The following PLPPR2 variants were observed in gnomAD, a reference collection of about 807,000 sequenced individuals.
PLPPR2 encodes the protein phospholipid phosphatase related 2, also known as phospholipid phosphatase-related protein type 2.
Under a neutral mutation model 40.3 loss-of-function variants are expected in PLPPR2, and 11 were observed. The observed-to-expected ratio is 0.27, with a 90% CI of 0.17 to 0.45. PLPPR2 has a LOEUF of 0.45. Ranked by LOEUF, PLPPR2 falls within the 20% of genes least tolerant of loss-of-function variation. PLPPR2 has a pLI of 1.00. For synonymous variants in PLPPR2, 260 were observed against 290.8 expected (o/e 0.89, Z 1.08); for missense variants, 497 against 640.7 (o/e 0.78, Z 2.42).
At position 11,361,597 on chromosome 19, in the gene PLPPR2, T is replaced by C. The variant is rs1968048111; in HGVS notation, c.663+109T>C. The C allele has an allele frequency of 7.0e-7, 1 of 1,435,312 alleles. No individual in the cohort carries two copies. The allele number at this position is 1,435,312 out of a possible 1,614,324, so 88.9% of individuals were successfully genotyped here. On this transcript the variant is annotated intron_variant, in intron 6 of 9. Transcript: ENST00000688289. This position sits in a 1 kb window ranked among gnomAD's most constrained non-coding sequence, Gnocchi z 6.3. Reference sequence around the variant, plus strand: ...CTCTGCTCTTCCACGCCCCGGGTGCTGTTGGAAGCTCTCGCTCCACGCCCC... The same window carrying C: ...CTCTGCTCTTCCACGCCCCGGGTGCCGTTGGAAGCTCTCGCTCCACGCCCC...
In PLPPR2 at chr19:11,365,127, G is replaced by C. The variant is rs981171904; in HGVS notation, c.*437G>C. 9 of 202,762 alleles carry C rather than the reference G, an allele frequency of 4.4e-5. No homozygotes were observed. The Admixed American group carries it at 4.8e-4, about 11-fold the overall frequency. The allele number at this position is 202,762 out of a possible 1,614,324, so 12.6% of individuals were successfully genotyped here. A position where few individuals can be genotyped will look rare whatever the true frequency, so the allele number is the denominator to read the frequency against. On this transcript the variant is annotated 3_prime_UTR_variant, in exon 10 of 10. Transcript: ENST00000688289. The stretch of plus-strand genomic sequence containing the variant: ...TTTCCAGAATTTCTAGAGTGGGTGG[G>C]CATGATTCCAGTCAATGGGGGACCG...
chr19:11,358,751 G>A lies in PLPPR2; in HGVS notation c.67-781G>A, dbSNP rs528199789. 5.4e-5 allele frequency among the ~76,000 whole-genome samples: 8 copies of A among 147,364 alleles called. No individual in the cohort carries two copies. In the East Asian group the frequency reaches 6.0e-4, roughly 11 times the overall value. On this transcript the variant is annotated intron_variant, in intron 3 of 9. Transcript: ENST00000688289. ...TTCTTTTGTGATGGAGTCTTGCTCC[G>A]CTGCCCAGGCTGGAGTGCAGTGGCA... is the stretch of plus-strand genomic sequence containing the variant.
rs1476055320 is a variant in PLPPR2, at chr19:11,361,866, G to T, written c.663+378G>T. Among the ~76,000 whole-genome samples the T allele has an allele frequency of 1.3e-5, 2 of 152,112 alleles. No homozygotes were observed. Among genetic ancestry groups the T allele is most frequent in the African/African-American group, 4.8e-5 (2 of 41,402 alleles). ...CGCTAGATATTAGCTGGCAGACTGG[G>T]CAGATGGGACGGCCCCCTGGAGTCC... is the stretch of plus-strand genomic sequence containing the variant. On this transcript the variant is annotated intron_variant, in intron 6 of 9. Transcript: ENST00000688289. The surrounding 1 kb of genome is among the most constrained non-coding windows in gnomAD (Gnocchi z 6.3).
In PLPPR2 at chr19:11,363,606, T is replaced by C. The variant is rs1345970871; in HGVS notation, c.841-107T>C. On this transcript the variant is annotated intron_variant, in intron 7 of 9. Coordinates refer to ENST00000688289, the MANE Select transcript of PLPPR2 (RefSeq NM_001393892.1). The surrounding 1 kb of genome is among the most constrained non-coding windows in gnomAD (Gnocchi z 4.8). The stretch of plus-strand genomic sequence containing the variant: ...GCACATACTATGCATTAGCTGTTTT[T>C]GAAAACCGGAGCCTCACTTTCCTTA... 3 of 1,350,664 alleles carry C rather than the reference T, an allele frequency of 2.2e-6. No individual in the cohort carries two copies. In the East Asian group the frequency reaches 7.6e-5, roughly 34 times the overall value. 83.7% of individuals were successfully genotyped at this position (1,350,664 alleles called of 1,614,324 possible).
intron 2 of PLPPR2, among the ~76,000 whole-genome samples, chr19:11,357,239 TG>T (rs1967912258): frequency 6.6e-6 from 1 of 151,848 alleles, no homozygotes; most frequent in Non-Finnish European, 1.5e-5. Context: ...GGGAAGGGTC[TG>T]GTAGGGATGG....
Position 11,364,414 on chromosome 19 carries a change from G to T in PLPPR2, c.1083G>T (p.Met361Ile). The T allele has an allele frequency of 1.3e-6, 2 of 1,520,132 alleles. No homozygotes were observed. Among genetic ancestry groups the T allele is most frequent in the Non-Finnish European group, 1.8e-6 (2 of 1,136,352 alleles). The allele number at this position is 1,520,132 out of a possible 1,614,324, so 94.2% of individuals were successfully genotyped here. Reference sequence around the variant, plus strand: ...GTGTCTCCTCCAGGGCCCCAGCCATGTGTTCGTCGCCCCGTGTGCCCCGTC... The same window carrying T: ...GTGTCTCCTCCAGGGCCCCAGCCATTTGTTCGTCGCCCCGTGTGCCCCGTC... ...PSCVSSRAPA[M>I]CSSPRVPRPR... Residue 361 changes from methionine to isoleucine, a missense_variant, in exon 10 of 10, where the codon ATG (methionine) becomes ATT (isoleucine). Physicochemically the swap from Met to Ile is conservative, Grantham distance 10. Transcript: ENST00000688289. This position sits in a 1 kb window ranked among gnomAD's most constrained non-coding sequence, Gnocchi z 5.8.
chr19:11,357,524 A>G, intron 2 of PLPPR2, 136 bp from the exon 3 acceptor site: 1 of 553,328 alleles, frequency 1.8e-6, no homozygotes, highest in East Asian at 3.2e-5. Flanking sequence ...TTCAAGGGAC[A>G]GAGTCAGGGC....
intron 5 of PLPPR2, among the ~76,000 whole-genome samples, chr19:11,360,335 G>T (rs1459498286): frequency 6.6e-6 from 1 of 151,944 alleles, no homozygotes; most frequent in African/African-American, 2.4e-5. Context: ...GGGCATGGTG[G>T]TACATGCCTG....
chr19:11,363,908 G>A lies in PLPPR2; in HGVS notation c.963+73G>A. On this transcript the variant is annotated intron_variant, in intron 8 of 9. Coordinates refer to ENST00000688289, the MANE Select transcript of PLPPR2 (RefSeq NM_001393892.1). This position sits in a 1 kb window ranked among gnomAD's most constrained non-coding sequence, Gnocchi z 4.8. Reference sequence around the variant, plus strand: ...AGGGGGCCAAGGAGACAGGAAGGAAGTCAGGCAAGAGGTGGGGGTCTCAGA... The same window carrying A: ...AGGGGGCCAAGGAGACAGGAAGGAAATCAGGCAAGAGGTGGGGGTCTCAGA... 6.5e-7 allele frequency: 1 copy of A among 1,532,064 alleles called. No homozygotes were observed. The highest frequency in any genetic ancestry group is 8.8e-7 in the Non-Finnish European group (1 of 1,133,292). 94.9% of individuals were successfully genotyped at this position (1,532,064 alleles called of 1,614,324 possible). A position where few individuals can be genotyped will look rare whatever the true frequency, so the allele number is the denominator to read the frequency against.
At position 11,359,515 on chromosome 19, in the gene PLPPR2, C is replaced by A; in HGVS notation, c.67-17C>A. ...CTTCTCTCTCCGCCACCTCTCCCCGCCCTGGCTTGGTGGCAGTCGGTGCTG... is the reference window on the plus strand; with the variant it reads ...CTTCTCTCTCCGCCACCTCTCCCCGACCTGGCTTGGTGGCAGTCGGTGCTG... On this transcript the variant is annotated splice_polypyrimidine_tract_variant and intron_variant, in intron 3 of 9. Coordinates refer to ENST00000688289, the MANE Select transcript of PLPPR2 (RefSeq NM_001393892.1). This position sits in a 1 kb window ranked among gnomAD's most constrained non-coding sequence, Gnocchi z 5.6. 6.6e-7 allele frequency: 1 copy of A among 1,525,100 alleles called. No homozygotes were observed. Among genetic ancestry groups the A allele is most frequent in the Non-Finnish European group, 8.8e-7 (1 of 1,132,596 alleles). The allele number at this position is 1,525,100 out of a possible 1,614,324, so 94.5% of individuals were successfully genotyped here.
chr19:11,357,775 C>T (rs750358462), intron 3 of PLPPR2, 36 bp downstream of exon 3: 16 of 1,537,890 alleles, frequency 1.0e-5, no homozygotes, highest in East Asian at 2.3e-5. Flanking sequence ...AGACGGCGTG[C>T]CTATCTCTGT....
chr19:11,357,713 A>T lies in PLPPR2; in HGVS notation c.40A>T (p.Ile14Phe). ...GRPHLKRSFS[I>F]IPCFVFVESV... ...ACCGCATCTGAAGAGGAGTTTCTCC[A>T]TCATCCCCTGCTTTGTCTTCGTGGA... The change falls in exon 3 of 10, where the codon ATC (isoleucine) becomes TTC (phenylalanine). Residue 14 changes from isoleucine to phenylalanine, a missense_variant. Transcript: ENST00000688289. 2 of 1,606,774 alleles carry T rather than the reference A, an allele frequency of 1.2e-6. No homozygotes were observed. The highest frequency in any genetic ancestry group is 1.7e-6 in the Non-Finnish European group (2 of 1,176,222).
intron 3 of PLPPR2, 30 bp downstream of exon 3, chr19:11,357,769 G>A (rs763858341): frequency 5.8e-6 from 9 of 1,557,108 alleles, no homozygotes; most frequent in South Asian, 4.7e-5. Flanking sequence ...TCCCAGAGAC[G>A]GCGTGCCTAT....
At position 11,363,227 on chromosome 19, in the gene PLPPR2, A is replaced by G. The variant is rs185944678; in HGVS notation, c.841-486A>G. Among the ~76,000 whole-genome samples the G allele has an allele frequency of 7.7e-4, 117 of 151,366 alleles. No individual in the cohort carries two copies. Among genetic ancestry groups the G allele is most frequent in the African/African-American group, 2.7e-3 (112 of 41,230 alleles). ...ACCCGGGGGACGGAGGTTGCAGTGA[A>G]CTGAGATCGTGCCACCTCACTCCAG... On this transcript the variant is annotated intron_variant, in intron 7 of 9. Transcript: ENST00000688289. This position sits in a 1 kb window ranked among gnomAD's most constrained non-coding sequence, Gnocchi z 4.8.
chr19:11,357,156 C>A (rs1967909498), intron 2 of PLPPR2, among the ~76,000 whole-genome samples, 180 bp downstream of exon 2: 1 of 151,998 alleles, frequency 6.6e-6, no homozygotes, highest in Non-Finnish European at 1.5e-5. Flanking sequence ...ATCAGCCCAA[C>A]CAGACACCAA....
Position 11,363,242 on chromosome 19 carries a change from C to T in PLPPR2, c.841-471C>T, listed in dbSNP as rs1435123414. Among the ~76,000 whole-genome samples the T allele has an allele frequency of 3.3e-5, 5 of 151,344 alleles. No homozygotes were observed. The highest frequency in any genetic ancestry group is 1.2e-4 in the African/African-American group (5 of 41,082). On this transcript the variant is annotated intron_variant, in intron 7 of 9. Coordinates refer to ENST00000688289, the MANE Select transcript of PLPPR2 (RefSeq NM_001393892.1). The surrounding 1 kb of genome is among the most constrained non-coding windows in gnomAD (Gnocchi z 4.8). Reference sequence around the variant, plus strand: ...GTTGCAGTGAACTGAGATCGTGCCACCTCACTCCAGCCTGGGTGAAAGAGC... The same window carrying T: ...GTTGCAGTGAACTGAGATCGTGCCATCTCACTCCAGCCTGGGTGAAAGAGC...
At position 11,361,533 on chromosome 19, in the gene PLPPR2, G is replaced by A. The variant is rs770310648; in HGVS notation, c.663+45G>A. On this transcript the variant is annotated intron_variant, in intron 6 of 9. Coordinates refer to ENST00000688289, the MANE Select transcript of PLPPR2 (RefSeq NM_001393892.1). This position sits in a 1 kb window ranked among gnomAD's most constrained non-coding sequence, Gnocchi z 6.3. ...GGGTCGGAAATGGGTGTGCAGGCTG[G>A]ACAGCGACCAGCAGCTAGGAAGCCG... 54 of 1,552,434 alleles carry A rather than the reference G, an allele frequency of 3.5e-5. No individual in the cohort carries two copies. Among genetic ancestry groups the A allele is most frequent in the Non-Finnish European group, 1.2e-5 (14 of 1,153,192 alleles).
At chr19:11,355,827 TA>T (rs1161952021) in intron 1 of PLPPR2, among the ~76,000 whole-genome samples, 1 of 152,112 alleles carries the variant, frequency 6.6e-6, no homozygotes, top group Non-Finnish European at 1.5e-5. Context: ...TGTGGTTGTG[TA>T]ACTGTCATCG....
chr19:11,363,914 C>G lies in PLPPR2; in HGVS notation c.963+79C>G. On this transcript the variant is annotated intron_variant, in intron 8 of 9. Transcript: ENST00000688289. This position sits in a 1 kb window ranked among gnomAD's most constrained non-coding sequence, Gnocchi z 4.8. ...CCAAGGAGACAGGAAGGAAGTCAGG[C>G]AAGAGGTGGGGGTCTCAGAACCATG... 6.6e-7 allele frequency: 1 copy of G among 1,511,048 alleles called. No individual in the cohort carries two copies. Among genetic ancestry groups the G allele is most frequent in the Non-Finnish European group, 8.9e-7 (1 of 1,118,674 alleles). The allele number at this position is 1,511,048 out of a possible 1,614,324, so 93.6% of individuals were successfully genotyped here.
Sources: gnomAD v4.1 joint callset for allele counts (sites outside exome capture counted in the v4.1 genomes callset) on GRCh38, gnomAD v4.1.1 for gene constraint, Gnocchi (gnomAD v3.1) non-coding constraint, MANE v1.5 for transcripts, NCBI Gene and HGNC (gene_info 2026-07-23, HGNC 2026-07-21) for gene names.